The following ST6GALNAC3 variants were observed in gnomAD, a reference collection of about 807,000 sequenced individuals.
ST6GALNAC3 encodes ST6 N-acetylgalactosaminide alpha-2,6-sialyltransferase 3.
ST6GALNAC3 carries 25 observed loss-of-function variants against 32.7 expected under a neutral mutation model. That is an observed-to-expected ratio of 0.76 (90% confidence interval 0.56 to 1.07). The LOEUF is 1.07. Ranked by LOEUF, ST6GALNAC3 falls within the 50% of genes least tolerant of loss-of-function variation. ST6GALNAC3 has a pLI of 0.00. For missense variants in ST6GALNAC3, 355 were observed against 382.4 expected, an observed-to-expected ratio of 0.93 and a Z score of 0.60; for synonymous variants, 129 against 133.1, an observed-to-expected ratio of 0.97 and a Z score of 0.21.
At chr1:76,299,023 T>C (rs555161812) in intron 1 of ST6GALNAC3, among the ~76,000 whole-genome samples, 1 of 152,220 alleles carries the variant, frequency 6.6e-6, no homozygotes, top group South Asian at 2.1e-4. Flanking sequence ...GAGCAAAGCC[T>C]GATTTGCAGA....
chr1:76,129,127 CA>C (rs1649445723), intron 1 of ST6GALNAC3, among the ~76,000 whole-genome samples: 1 of 152,134 alleles, frequency 6.6e-6, no homozygotes, highest in African/African-American at 2.4e-5. Flanking sequence ...CCCACCTGTA[CA>C]GGGGAGTTGG....
intron 3 of ST6GALNAC3, among the ~76,000 whole-genome samples, chr1:76,580,293 T>G (rs947137373): frequency 6.6e-6 from 1 of 152,100 alleles, no homozygotes; most frequent in African/African-American, 2.4e-5. Context: ...GACAGATTCA[T>G]GTCCACTCTT....
At chr1:76,131,622 G>A (rs1197999261) in intron 1 of ST6GALNAC3, among the ~76,000 whole-genome samples, 1 of 152,218 alleles carries the variant, frequency 6.6e-6, no homozygotes, top group Non-Finnish European at 1.5e-5. Flanking sequence ...TCTGGGGCAC[G>A]GAGGCTGATG....
intron 1 of ST6GALNAC3, among the ~76,000 whole-genome samples, chr1:76,230,151 A>G (rs1312900645): frequency 1.3e-5 from 2 of 152,208 alleles, no homozygotes; most frequent in Admixed American, 6.5e-5. Context: ...TTATTTCTTT[A>G]TCTTTTTCTA....
chr1:76,556,081 A>G (rs1001933651), intron 3 of ST6GALNAC3, among the ~76,000 whole-genome samples: 1 of 152,088 alleles, frequency 6.6e-6, no homozygotes, highest in African/African-American at 2.4e-5. Context: ...TGCTGTCTCT[A>G]TAGATTTGCC....
intron 3 of ST6GALNAC3, among the ~76,000 whole-genome samples, chr1:76,516,061 A>G (rs1400705422): frequency 6.6e-6 from 1 of 152,166 alleles, no homozygotes; most frequent in African/African-American, 2.4e-5. Context: ...AACTAATAAT[A>G]CGTACTTTAT....
At chr1:76,306,329 A>G (rs1557771239) in intron 1 of ST6GALNAC3, among the ~76,000 whole-genome samples, 1 of 152,198 alleles carries the variant, frequency 6.6e-6, no homozygotes, top group East Asian at 1.9e-4. Flanking sequence ...AACCAACCTG[A>G]TGGAATGGGT....
At chr1:76,572,294 C>G (rs1339437594) in intron 3 of ST6GALNAC3, among the ~76,000 whole-genome samples, 1 of 152,046 alleles carries the variant, frequency 6.6e-6, no homozygotes, top group Non-Finnish European at 1.5e-5. Flanking sequence ...ATATAGTTAA[C>G]TTAGGCAAAT....
chr1:76,145,792 A>G (rs1231014437), intron 1 of ST6GALNAC3, among the ~76,000 whole-genome samples: 5 of 152,234 alleles, frequency 3.3e-5, no homozygotes, highest in Non-Finnish European at 7.3e-5. Flanking sequence ...TTTAACACGG[A>G]TAAGTCATCT....
intron 3 of ST6GALNAC3, among the ~76,000 whole-genome samples, chr1:76,495,998 A>G (rs1261115459): frequency 6.6e-6 from 1 of 152,168 alleles, no homozygotes; most frequent in African/African-American, 2.4e-5. Context: ...TCCTCATTTG[A>G]AACTTAGCAT....
chr1:76,391,562 TCCTTCCTTCCTC>T (rs942453894), intron 2 of ST6GALNAC3, among the ~76,000 whole-genome samples: 3 of 119,028 alleles, frequency 2.5e-5, no homozygotes, highest in Non-Finnish European at 5.5e-5. Context: ...CTTCCTTCCT[TCCTTCCTTCCTC>T]CCACTTCCCT....
intron 1 of ST6GALNAC3, among the ~76,000 whole-genome samples, chr1:76,106,031 T>A (rs567806194): frequency 2.0e-5 from 3 of 152,340 alleles, no homozygotes; most frequent in South Asian, 4.1e-4. Flanking sequence ...ACTGTGACAT[T>A]AGGCACTTTT....
At chr1:76,370,657 A>T (rs963654900) in intron 2 of ST6GALNAC3, among the ~76,000 whole-genome samples, 8 of 152,164 alleles carry the variant, frequency 5.3e-5, no homozygotes, top group African/African-American at 1.9e-4. Context: ...GGGTAAGATG[A>T]ACCATCACTT....
At chr1:76,456,697 G>A (rs888650399) in intron 3 of ST6GALNAC3, among the ~76,000 whole-genome samples, 34 of 152,174 alleles carry the variant, frequency 2.2e-4, no homozygotes, top group Non-Finnish European at 7.4e-5. Context: ...TTGATGAGAC[G>A]TATCTCAAAA....
At chr1:76,079,465 T>G (rs1646860865) in intron 1 of ST6GALNAC3, among the ~76,000 whole-genome samples, 1 of 152,216 alleles carries the variant, frequency 6.6e-6, no homozygotes, top group Non-Finnish European at 1.5e-5. Flanking sequence ...TTGTATTAAC[T>G]TTTATATTGG....
At chr1:76,219,997 C>T (rs934959753) in intron 1 of ST6GALNAC3, among the ~76,000 whole-genome samples, 9 of 152,020 alleles carry the variant, frequency 5.9e-5, no homozygotes, top group Admixed American at 5.9e-4. Flanking sequence ...GAGAAGGAGG[C>T]TTATTATTGT....
intron 2 of ST6GALNAC3, among the ~76,000 whole-genome samples, chr1:76,380,702 T>G (rs1651634700): frequency 6.6e-6 from 1 of 152,118 alleles, no homozygotes; most frequent in Admixed American, 6.5e-5. Context: ...ATGACCTGGA[T>G]GACAAAGAAG....
At chr1:76,242,798 G>A (rs1300546152) in intron 1 of ST6GALNAC3, among the ~76,000 whole-genome samples, 1 of 152,104 alleles carries the variant, frequency 6.6e-6, no homozygotes, top group African/African-American at 2.4e-5. Flanking sequence ...TCTTTTTTAT[G>A]GCTGCATAGT....
chr1:76,274,596 A>G (rs1204691608), intron 1 of ST6GALNAC3, among the ~76,000 whole-genome samples: 2 of 152,164 alleles, frequency 1.3e-5, no homozygotes, highest in Non-Finnish European at 2.9e-5. Context: ...CCTTCAATCA[A>G]TACAAGAATG....
Sources: gnomAD v4.1 joint callset for allele counts (sites outside exome capture counted in the v4.1 genomes callset) on GRCh38, gnomAD v4.1.1 for gene constraint, MANE v1.5 for transcripts, NCBI Gene and HGNC (gene_info 2026-07-23, HGNC 2026-07-21) for gene names.